The following TOX2 variants were observed in gnomAD, a reference collection of about 807,000 sequenced individuals.
The protein encoded by TOX2 is TOX high mobility group box family member 2, also known as granulosa cell HMG box 1.
Under a neutral mutation model 47.4 loss-of-function variants are expected in TOX2, and 15 were observed. That is an observed-to-expected ratio of 0.32 (90% confidence interval 0.21 to 0.49). TOX2 has a LOEUF of 0.49. TOX2 is among the 20% of genes least tolerant of loss of function. The probability of loss-of-function intolerance (pLI) is 0.99; values close to 1 mark genes in which losing one functional copy is unlikely to be tolerated. For missense variants in TOX2, 622 were observed against 673.1 expected, an observed-to-expected ratio of 0.92 and a Z score of 0.84; for synonymous variants, 290 against 296.6, an observed-to-expected ratio of 0.98 and a Z score of 0.23.
chr20:43,931,774 C>T (rs1389282902), intron 1 of TOX2, among the ~76,000 whole-genome samples: 1 of 152,186 alleles, frequency 6.6e-6, no homozygotes, highest in Non-Finnish European at 1.5e-5. Context: ...TTGATGATGG[C>T]TTGTGGCCAT....
At chr20:43,946,359 G>C (rs570989914) in intron 1 of TOX2, among the ~76,000 whole-genome samples, 3 of 152,172 alleles carry the variant, frequency 2.0e-5, no homozygotes, top group Non-Finnish European at 4.4e-5. Context: ...GTGTGGGTTG[G>C]GGGGTCTGGC....
At chr20:43,994,070 G>T (rs917589789) in intron 2 of TOX2, among the ~76,000 whole-genome samples, 8 of 152,122 alleles carry the variant, frequency 5.3e-5, no homozygotes, top group African/African-American at 1.9e-4. Context: ...AAGATCGCTT[G>T]AATCCGGGAG....
At chr20:44,009,262 T>A (rs1309493945) in intron 3 of TOX2, among the ~76,000 whole-genome samples, 1 of 152,218 alleles carries the variant, frequency 6.6e-6, no homozygotes, top group African/African-American at 2.4e-5. Flanking sequence ...AAAAGCGGTG[T>A]CCTCTGTGTA....
intron 5 of TOX2, among the ~76,000 whole-genome samples, chr20:44,061,642 AG>A (rs2071720361): frequency 1.3e-5 from 2 of 152,084 alleles, no homozygotes; most frequent in Admixed American, 6.5e-5. Context: ...AGAAAGAAAG[AG>A]CATCCAAATC....
Position 43,974,307 on chromosome 20 carries a change from G to T in TOX2, c.165+875G>T, listed in dbSNP as rs764760230. 8.2e-4 allele frequency among the ~76,000 whole-genome samples: 125 copies of T among 152,114 alleles called. 1 individual carries two copies. Among genetic ancestry groups the T allele is most frequent in the Admixed American group, 1.2e-3 (18 of 15,296 alleles). The stretch of plus-strand genomic sequence containing the variant: ...TCCTCACTGAAGGCTGGGGCCCCAG[G>T]GAGGGTCCTCACTGCAGGCGGGGGC... On this transcript the variant is annotated intron_variant, in intron 2 of 8. Transcript: ENST00000341197.
chr20:44,036,560 A>T (rs998813927), intron 3 of TOX2, among the ~76,000 whole-genome samples: 1 of 152,248 alleles, frequency 6.6e-6, no homozygotes, highest in Non-Finnish European at 1.5e-5. Context: ...ATAAAGGATA[A>T]CATTTCTACC....
chr20:43,941,238 G>A (rs1221585664), intron 1 of TOX2, among the ~76,000 whole-genome samples: 2 of 151,894 alleles, frequency 1.3e-5, no homozygotes, highest in African/African-American at 4.8e-5. Context: ...AAGAAAAAAA[G>A]TTGGTTCTAG....
At chr20:44,064,905 T>G in intron 6 of TOX2, 48 bp downstream of exon 6, 2 of 1,578,632 alleles carry the variant, frequency 1.3e-6, no homozygotes, top group Non-Finnish European at 1.7e-6. Flanking sequence ...GTGGGGCCAC[T>G]TGAGGAATGG....
intron 3 of TOX2, among the ~76,000 whole-genome samples, chr20:44,011,233 A>G (rs1472632730): frequency 6.6e-6 from 1 of 152,170 alleles, no homozygotes. Flanking sequence ...TTAGGACCTG[A>G]TGTCTTTGGG....
chr20:44,038,460 G>A lies in TOX2; in HGVS notation c.412-12846G>A, dbSNP rs535069233. Among the ~76,000 whole-genome samples, 81 of 152,174 alleles carry A rather than the reference G, an allele frequency of 5.3e-4. No homozygotes were observed. In the Middle Eastern group the frequency reaches 0.01, roughly 19 times the overall value. On this transcript the variant is annotated intron_variant, in intron 3 of 8. Transcript: ENST00000341197. ...AATAAGAGCACAATTGAACATAGCC[G>A]TTGTTGCCATCAGAAGATTGATTCT... is the stretch of plus-strand genomic sequence containing the variant.
chr20:43,947,643 T>G (rs2069495195), intron 1 of TOX2, among the ~76,000 whole-genome samples: 1 of 152,214 alleles, frequency 6.6e-6, no homozygotes, highest in East Asian at 1.9e-4. Context: ...TCTGGTCACT[T>G]CCATGGGTTC....
chr20:43,982,661 C>G (rs1390754276), intron 2 of TOX2, among the ~76,000 whole-genome samples: 1 of 151,546 alleles, frequency 6.6e-6, no homozygotes, highest in Non-Finnish European at 1.5e-5. Flanking sequence ...CTGCCCAGCA[C>G]AGCATGGTGG....
Position 44,054,321 on chromosome 20 carries a change from C to T in TOX2, c.674C>T (p.Ser225Leu). Reference sequence around the variant, plus strand: ...CAGATCTCGGGAGAAAAGAGACCTTCAGCCGACCCAGGAAAAAAGGCCAAG... The same window carrying T: ...CAGATCTCGGGAGAAAAGAGACCTTTAGCCGACCCAGGAAAAAAGGCCAAG... ...HFKISGEKRP[S>L]ADPGKKAKNP... The change falls in exon 5 of 9, where the codon TCA (serine) becomes TTA (leucine). Residue 225 changes from serine to leucine, a missense_variant. By Grantham distance (145) the Ser-to-Leu change is moderately radical. Coordinates refer to ENST00000341197, the MANE Select transcript of TOX2 (RefSeq NM_001098797.2). 1 of 1,611,454 alleles carries T rather than the reference C, an allele frequency of 6.2e-7. No individual in the cohort carries two copies. The highest frequency in any genetic ancestry group is 8.5e-7 in the Non-Finnish European group (1 of 1,178,746).
At chr20:43,987,584 T>C (rs111827139) in intron 2 of TOX2, among the ~76,000 whole-genome samples, 2 of 152,222 alleles carry the variant, frequency 1.3e-5, no homozygotes, top group African/African-American at 4.8e-5. Flanking sequence ...TCTCAATTTT[T>C]AGAGACAGGG....
chr20:44,068,093 T>G (rs2145808852), intron 8 of TOX2, among the ~76,000 whole-genome samples: 1 of 151,984 alleles, frequency 6.6e-6, no homozygotes, highest in Admixed American at 6.5e-5. Flanking sequence ...TGGACTCAGC[T>G]CAGCAAGAAT....
rs527817867 is a variant in TOX2, at chr20:44,053,404, T to C, written c.652-895T>C. 2.6e-5 allele frequency among the ~76,000 whole-genome samples: 4 copies of C among 151,586 alleles called. No homozygotes were observed. The East Asian group carries it at 7.7e-4, about 29-fold the overall frequency. On this transcript the variant is annotated intron_variant, in intron 4 of 8. Coordinates refer to ENST00000341197, the MANE Select transcript of TOX2 (RefSeq NM_001098797.2). Reference sequence around the variant, plus strand: ...GCCTTTTGTAATGCAGGATCCTTTTTGGGGATTGTGCTCACAAGTGGGAGG... The same window carrying C: ...GCCTTTTGTAATGCAGGATCCTTTTCGGGGATTGTGCTCACAAGTGGGAGG...
At chr20:44,032,513 T>A (rs1267996685) in intron 3 of TOX2, among the ~76,000 whole-genome samples, 2 of 151,432 alleles carry the variant, frequency 1.3e-5, no homozygotes, top group African/African-American at 4.9e-5. Context: ...GTGGATGTGA[T>A]GGAGAGGGGT....
At chr20:43,987,852 G>A (rs1179433624) in intron 2 of TOX2, among the ~76,000 whole-genome samples, 2 of 151,724 alleles carry the variant, frequency 1.3e-5, no homozygotes, top group African/African-American at 4.8e-5. Context: ...TGCAGGCTCT[G>A]GCCTTCCACT....
At chr20:44,038,952 G>T in intron 3 of TOX2, 1 of 1,184,146 alleles carries the variant, frequency 8.4e-7, no homozygotes, top group Non-Finnish European at 1.1e-6. Flanking sequence ...CTGCCTCCGT[G>T]TCTCCTCCTT....
Sources: allele counts gnomAD v4.1 joint callset (sites outside exome capture counted in the v4.1 genomes callset), GRCh38; gene constraint gnomAD v4.1.1; transcripts MANE v1.5; gene names NCBI Gene and HGNC (gene_info 2026-07-23, HGNC 2026-07-21).